Variants in ARHGAP28 observed in about 807,000 individuals in gnomAD.
ARHGAP28 encodes the protein Rho GTPase activating protein 28, also known as rho GTPase-activating protein 28.
In ARHGAP28, 56 loss-of-function variants were observed where a neutral mutation model predicts 90.7. The observed-to-expected ratio is 0.62, with a 90% CI of 0.50 to 0.77. The LOEUF (loss-of-function observed/expected upper bound fraction) is 0.77. Ranked by LOEUF, ARHGAP28 falls within the 30% of genes least tolerant of loss-of-function variation. The pLI is 0.00. For missense variants in ARHGAP28, 869 were observed against 900.9 expected (o/e 0.96, Z 0.45); for synonymous variants, 308 against 323.3 (o/e 0.95, Z 0.51).
intron 1 of ARHGAP28, among the ~76,000 whole-genome samples, chr18:6,808,794 A>G (rs951240322): frequency 3.3e-5 from 5 of 152,180 alleles, no homozygotes; most frequent in African/African-American, 1.2e-4. Flanking sequence ...GTGTACATAC[A>G]TTTTCCTAGC....
At chr18:6,838,774 T>G (rs765833742) in intron 3 of ARHGAP28, among the ~76,000 whole-genome samples, 2 of 152,242 alleles carry the variant, frequency 1.3e-5, no homozygotes, top group African/African-American at 2.4e-5. Flanking sequence ...CTGAGCTATT[T>G]GGACTTTCAA....
chr18:6,880,836 T>C (rs897916595), intron 10 of ARHGAP28, among the ~76,000 whole-genome samples: 1 of 152,164 alleles, frequency 6.6e-6, no homozygotes, highest in African/African-American at 2.4e-5. Context: ...CATGAAATAG[T>C]CCCACCCACT....
chr18:6,802,870 TG>T (rs1208470136), intron 1 of ARHGAP28, among the ~76,000 whole-genome samples: 1 of 152,194 alleles, frequency 6.6e-6, no homozygotes, highest in Non-Finnish European at 1.5e-5. Context: ...TAAATGGCAT[TG>T]TTTTTAAAGT....
intron 16 of ARHGAP28, among the ~76,000 whole-genome samples, chr18:6,900,055 A>G (rs1159680515): frequency 6.6e-6 from 1 of 152,186 alleles, no homozygotes; most frequent in Non-Finnish European, 1.5e-5. Context: ...GTGGCAGCAG[A>G]GCCCAGGAGG....
chr18:6,841,125 C>CTCACTG (rs1555631408), intron 3 of ARHGAP28, among the ~76,000 whole-genome samples: 1 of 127,550 alleles, frequency 7.8e-6, no homozygotes, highest in Non-Finnish European at 1.8e-5. Flanking sequence ...TCTCTTCTCT[C>CTCACTG]TCTCTCTCCT....
At chr18:6,764,235 G>T (rs570112611) in intron 1 of ARHGAP28, among the ~76,000 whole-genome samples, 41 of 152,150 alleles carry the variant, frequency 2.7e-4, no homozygotes, top group African/African-American at 9.9e-4. Context: ...TACAATCCAG[G>T]GTGCATGAAT....
rs1223142867 is a variant in ARHGAP28 at position 6,868,199 on chromosome 18, C to T, written c.776C>T (p.Pro259Leu). 19 of 1,614,016 alleles carry T rather than the reference C, an allele frequency of 1.2e-5. No homozygotes were observed. Among genetic ancestry groups the T allele is most frequent in the East Asian group, 2.2e-5 (1 of 44,894 alleles). ...PVLPVHSNGS[P>L]EPGQPVQNAI... ...CTACCAGTTCATTCCAATGGATCAC[C>T]GGAGCCTGGACAGCCAGTTCAGAAT... The change falls in exon 6 of 18, where the codon CCG (proline) becomes CTG (leucine). Residue 259 changes from proline to leucine, a missense_variant. Coordinates refer to ENST00000383472, the MANE Select transcript of ARHGAP28 (RefSeq NM_001366230.1).
rs573592029 is a variant in ARHGAP28 at position 6,799,481 on chromosome 18, A to G, written c.123-25281A>G. Among the ~76,000 whole-genome samples the G allele has an allele frequency of 7.4e-4, 113 of 152,378 alleles. 1 individual carries two copies. The highest frequency in any genetic ancestry group is 2.5e-3 in the African/African-American group (104 of 41,592). On this transcript the variant is annotated intron_variant, in intron 1 of 17. Transcript: ENST00000383472. The stretch of plus-strand genomic sequence containing the variant: ...CGGAGGCATCACGCTACCTGACTTC[A>G]AACTATAAGGCTACAGTAACCAAAA...
intron 2 of ARHGAP28, among the ~76,000 whole-genome samples, chr18:6,827,021 C>T (rs1427093960): frequency 6.6e-6 from 1 of 152,184 alleles, no homozygotes; most frequent in Non-Finnish European, 1.5e-5. Flanking sequence ...CACAGATCAA[C>T]AGGATCCCAA....
At chr18:6,841,698 C>T (rs1286193463) in intron 3 of ARHGAP28, among the ~76,000 whole-genome samples, 1 of 151,950 alleles carries the variant, frequency 6.6e-6, no homozygotes, top group Non-Finnish European at 1.5e-5. Flanking sequence ...TGGGGAAGTA[C>T]AATGTCTGCA....
In ARHGAP28 at chr18:6,729,763, G is replaced by T; in HGVS notation, c.-59G>T. ...GCTGCTGACAGCCTCCCGGCGCGCCGGTCCATGCTGGTCCCGGTCTTTGTT... is the reference window on the plus strand; with the variant it reads ...GCTGCTGACAGCCTCCCGGCGCGCCTGTCCATGCTGGTCCCGGTCTTTGTT... On this transcript the variant is annotated 5_prime_UTR_variant, in exon 1 of 18. Transcript: ENST00000383472. 1 of 1,301,764 alleles carries T rather than the reference G, an allele frequency of 7.7e-7. No individual in the cohort carries two copies. Among genetic ancestry groups the T allele is most frequent in the Middle Eastern group, 2.9e-4 (1 of 3,498 alleles). 80.6% of individuals were successfully genotyped at this position (1,301,764 alleles called of 1,614,324 possible).
chr18:6,811,211 G>C (rs1437230208), intron 1 of ARHGAP28, among the ~76,000 whole-genome samples: 1 of 151,938 alleles, frequency 6.6e-6, no homozygotes, highest in African/African-American at 2.4e-5. Context: ...CTGCAACTGG[G>C]GTCACCCTTG....
intron 1 of ARHGAP28, among the ~76,000 whole-genome samples, chr18:6,763,950 A>T (rs1235680159): frequency 6.6e-6 from 1 of 152,190 alleles, no homozygotes; most frequent in Non-Finnish European, 1.5e-5. Flanking sequence ...ATTATCAAGA[A>T]TATGCTATAT....
intron 1 of ARHGAP28, among the ~76,000 whole-genome samples, chr18:6,812,510 G>C (rs1431381): frequency 6.6e-6 from 1 of 152,070 alleles, no homozygotes; most frequent in Non-Finnish European, 1.5e-5. Flanking sequence ...GGAAGGCTTA[G>C]GAGGGAAACC....
intron 1 of ARHGAP28, among the ~76,000 whole-genome samples, chr18:6,760,107 T>C (rs2056146528): frequency 6.6e-6 from 1 of 152,130 alleles, no homozygotes. Context: ...CCTATGTAAG[T>C]TCAAACACAC....
intron 1 of ARHGAP28, among the ~76,000 whole-genome samples, chr18:6,793,504 C>A (rs1483640907): frequency 6.6e-6 from 1 of 152,096 alleles, no homozygotes; most frequent in Non-Finnish European, 1.5e-5. Flanking sequence ...GTTAAATTTA[C>A]GGCTCTAAGG....
intron 2 of ARHGAP28, among the ~76,000 whole-genome samples, chr18:6,825,925 A>T (rs1014105735): frequency 6.6e-6 from 1 of 152,174 alleles, no homozygotes; most frequent in Admixed American, 6.5e-5. Context: ...ATACAAGTGC[A>T]TGTGTCTTTT....
At chr18:6,841,133 C>CCTCTCTCT (rs2056805981) in intron 3 of ARHGAP28, among the ~76,000 whole-genome samples, 1 of 147,650 alleles carries the variant, frequency 6.8e-6, no homozygotes, top group African/African-American at 2.6e-5. Context: ...CTCTCTCTCT[C>CCTCTCTCT]CTCTCTCACT....
chr18:6,850,802 CAG>C (rs1567969943), intron 3 of ARHGAP28: 1 of 1,523,834 alleles, frequency 6.6e-7, no homozygotes, highest in Non-Finnish European at 8.8e-7. Context: ...AGGAAGCTAG[CAG>C]AGTTTGCTTC....
Sources: allele counts gnomAD v4.1 joint callset (sites outside exome capture counted in the v4.1 genomes callset), GRCh38; gene constraint gnomAD v4.1.1; transcripts MANE v1.5; gene names NCBI Gene and HGNC (gene_info 2026-07-23, HGNC 2026-07-21).